ADARB1: variants seen among roughly 807,000 people sequenced by gnomAD.
ADARB1 encodes double-stranded RNA-specific editase 1.
A neutral mutation model predicts 52.4 loss-of-function variants in ADARB1; 10 were observed. That is an observed-to-expected ratio of 0.19 (90% CI 0.12 to 0.32). The LOEUF (loss-of-function observed/expected upper bound fraction) is 0.32, where lower values mean the gene tolerates loss of function less well. Among genes scored for constraint, ADARB1 ranks in the 10% least tolerant of loss-of-function variants. The pLI, the probability that ADARB1 is intolerant of heterozygous loss-of-function variation, is 1.00. For synonymous variants in ADARB1, 349 were observed against 371.1 expected (o/e 0.94, Z 0.68); for missense variants, 643 against 922.3 (o/e 0.70, Z 3.92).
intron 2 of ADARB1, among the ~76,000 whole-genome samples, chr21:45,159,012 A>T (rs1014585016): frequency 1.3e-5 from 2 of 152,180 alleles, no homozygotes; most frequent in Non-Finnish European, 2.9e-5. Context: ...TTTCTTATGG[A>T]AGCAGTACAT....
At chr21:45,194,730 C>A (rs2092386613) in intron 8 of ADARB1, among the ~76,000 whole-genome samples, 1 of 152,174 alleles carries the variant, frequency 6.6e-6, no homozygotes. Context: ...AATTTACATT[C>A]AAGATTCTTT....
In ADARB1 at chr21:45,157,196, T is replaced by C. The variant is rs1207719333; in HGVS notation, c.-47-14414T>C. 6.6e-6 allele frequency among the ~76,000 whole-genome samples: 1 copy of C among 152,250 alleles called. No homozygotes were observed. Among genetic ancestry groups the C allele is most frequent in the Non-Finnish European group, 1.5e-5 (1 of 68,044 alleles). ...ATTTCAAGCACAGGTGCATACACTC[T>C]AGGTTAACAGTTGAAATTCTAAAGT... On this transcript the variant is annotated intron_variant, in intron 2 of 10. Coordinates refer to ENST00000348831, the MANE Select transcript of ADARB1 (RefSeq NM_001112.4). The surrounding 1 kb of genome is among the most constrained non-coding windows in gnomAD (Gnocchi z 4.1).
rs1417277654 is a variant in ADARB1 at position 45,223,507 on chromosome 21, A to T, written c.*1310A>T. ...TGCCTTGTTGCCTCCGCTCAGGATG[A>T]AAGAGGAGCTGAGAGAAGTGCTCTG... On this transcript the variant is annotated 3_prime_UTR_variant, in exon 11 of 11. Coordinates refer to ENST00000348831, the MANE Select transcript of ADARB1 (RefSeq NM_001112.4). 1.5e-5 allele frequency: 15 copies of T among 985,508 alleles called. No individual in the cohort carries two copies. Among genetic ancestry groups the T allele is most frequent in the Non-Finnish European group, 1.6e-5 (13 of 830,080 alleles). The allele number at this position is 985,508 out of a possible 1,614,324, so 61.0% of individuals were successfully genotyped here. A position where few individuals can be genotyped will look rare whatever the true frequency, so the allele number is the denominator to read the frequency against.
intron 1 of ADARB1, among the ~76,000 whole-genome samples, chr21:45,078,745 A>G (rs1275576277): frequency 6.6e-6 from 1 of 152,214 alleles, no homozygotes; most frequent in Non-Finnish European, 1.5e-5. Flanking sequence ...GGGAAGCCTT[A>G]AGGGAGCCTT....
chr21:45,081,955 C>G (rs775422307), intron 1 of ADARB1, among the ~76,000 whole-genome samples: 5 of 152,176 alleles, frequency 3.3e-5, no homozygotes. Context: ...GAATGGAGGC[C>G]TGGGTTGGCA....
chr21:45,081,770 G>C (rs1268996824), intron 1 of ADARB1, among the ~76,000 whole-genome samples: 1 of 152,318 alleles, frequency 6.6e-6, no homozygotes, highest in East Asian at 1.9e-4. Context: ...GAAAGCATGA[G>C]CTCATGTCAG....
At chr21:45,099,828 C>T (rs1601332973) in intron 1 of ADARB1, among the ~76,000 whole-genome samples, 1 of 152,032 alleles carries the variant, frequency 6.6e-6, no homozygotes, top group African/African-American at 2.4e-5. Flanking sequence ...TGGGCTGGCA[C>T]GTCTTGGGCT....
chr21:45,150,796 C>T (rs1327690827), intron 2 of ADARB1, among the ~76,000 whole-genome samples: 3 of 152,236 alleles, frequency 2.0e-5, no homozygotes, highest in Non-Finnish European at 2.9e-5. Flanking sequence ...TGTGTGTGTA[C>T]TGACACATGC....
chr21:45,079,272 G>C (rs1040499989), intron 1 of ADARB1, among the ~76,000 whole-genome samples: 1 of 152,184 alleles, frequency 6.6e-6, no homozygotes, highest in African/African-American at 2.4e-5. Context: ...TTGTTACCCA[G>C]CATTCATTTA....
chr21:45,126,885 G>A (rs1326759024), intron 1 of ADARB1, among the ~76,000 whole-genome samples: 2 of 152,208 alleles, frequency 1.3e-5, no homozygotes, highest in East Asian at 3.8e-4. Flanking sequence ...GGCCCAGGGA[G>A]GTCAGATTTC....
intron 2 of ADARB1, among the ~76,000 whole-genome samples, chr21:45,132,669 T>G (rs1569045484): frequency 6.6e-6 from 1 of 152,176 alleles, no homozygotes; most frequent in Non-Finnish European, 1.5e-5. Flanking sequence ...GATGTGGGGT[T>G]GGTGGCACAT....
At chr21:45,146,860 C>A (rs1265152523) in intron 2 of ADARB1, among the ~76,000 whole-genome samples, 1 of 152,306 alleles carries the variant, frequency 6.6e-6, no homozygotes, top group South Asian at 2.1e-4. Flanking sequence ...TGCACTTAAC[C>A]ATGACAATGT....
chr21:45,211,156 C>G (rs1170478595), intron 9 of ADARB1, among the ~76,000 whole-genome samples: 3 of 152,182 alleles, frequency 2.0e-5, no homozygotes, highest in Non-Finnish European at 4.4e-5. Context: ...GTCAGGAGAA[C>G]CCAGCCATCT....
intron 1 of ADARB1, among the ~76,000 whole-genome samples, chr21:45,121,827 C>T (rs377238876): frequency 2.6e-5 from 4 of 152,094 alleles, no homozygotes; most frequent in African/African-American, 7.2e-5. Context: ...CTCCTTTAGC[C>T]GTTGTTTTCT....
chr21:45,108,953 A>C (rs1172554020), intron 1 of ADARB1, among the ~76,000 whole-genome samples: 1 of 152,244 alleles, frequency 6.6e-6, no homozygotes, highest in Non-Finnish European at 1.5e-5. Flanking sequence ...AGGGCCCTGC[A>C]AACACACCTG....
chr21:45,163,831 G>T (rs1337926309), intron 2 of ADARB1, among the ~76,000 whole-genome samples: 3 of 152,088 alleles, frequency 2.0e-5, no homozygotes, highest in Non-Finnish European at 4.4e-5. Context: ...TCTGTGCTCT[G>T]CCACGCTTGT....
At chr21:45,179,261 G>A (rs544299207) in intron 4 of ADARB1, among the ~76,000 whole-genome samples, 1 of 152,204 alleles carries the variant, frequency 6.6e-6, no homozygotes, top group Non-Finnish European at 1.5e-5. Flanking sequence ...CACATGACTT[G>A]TCTTGAACAC....
Position 45,222,371 on chromosome 21 carries a change from T to C in ADARB1, c.*174T>C, listed in dbSNP as rs1243994918. ...CATCTCACATCAGACCTGGGGCAGGTGCGCAGTGTGGGGAGGGGATGGGGT... is the reference window on the plus strand; with the variant it reads ...CATCTCACATCAGACCTGGGGCAGGCGCGCAGTGTGGGGAGGGGATGGGGT... On this transcript the variant is annotated 3_prime_UTR_variant, in exon 11 of 11. Transcript: ENST00000348831. The C allele has an allele frequency of 7.3e-7, 1 of 1,362,812 alleles. No individual in the cohort carries two copies. Among genetic ancestry groups the C allele is most frequent in the Non-Finnish European group, 9.4e-7 (1 of 1,065,006 alleles). 84.4% of individuals were successfully genotyped at this position (1,362,812 alleles called of 1,614,324 possible). A position where few individuals can be genotyped will look rare whatever the true frequency, so the allele number is the denominator to read the frequency against.
At chr21:45,179,548 A>G (rs182311361) in intron 4 of ADARB1, among the ~76,000 whole-genome samples, 1 of 152,344 alleles carries the variant, frequency 6.6e-6, no homozygotes, top group East Asian at 1.9e-4. Context: ...ACCATGTCCA[A>G]AATCCAACAA....
Sources: gnomAD v4.1 joint callset for allele counts (sites outside exome capture counted in the v4.1 genomes callset) on GRCh38, gnomAD v4.1.1 for gene constraint, Gnocchi (gnomAD v3.1) non-coding constraint, MANE v1.5 for transcripts, NCBI Gene and HGNC (gene_info 2026-07-23, HGNC 2026-07-21) for gene names.